SGO2: variants seen among roughly 807,000 people sequenced by gnomAD.
The protein encoded by SGO2 is shugoshin 2, also known as shugoshin-like 2.
Under a neutral mutation model 99.5 loss-of-function variants are expected in SGO2, and 68 were observed. The ratio of observed to expected loss-of-function variants is 0.68; its 90% CI spans 0.56 to 0.84. The LOEUF (loss-of-function observed/expected upper bound fraction) is 0.84, where lower values mean the gene tolerates loss of function less well. Ranked by LOEUF, SGO2 falls within the 40% of genes least tolerant of loss-of-function variation. SGO2 has a pLI of 0.00. For synonymous variants in SGO2, 457 were observed against 487.1 expected (o/e 0.94, Z 0.81); for missense variants, 1,350 against 1,436.7 (o/e 0.94, Z 0.97).
At chr2:200,553,382 A>T (rs911000683) in intron 5 of SGO2, among the ~76,000 whole-genome samples, 1 of 152,218 alleles carries the variant, frequency 6.6e-6, no homozygotes, top group African/African-American at 2.4e-5. Context: ...CCAGAATTAG[A>T]ATACTGATTG....
intron 4 of SGO2, among the ~76,000 whole-genome samples, chr2:200,540,233 T>A (rs1030640442): frequency 1.3e-5 from 2 of 152,218 alleles, no homozygotes; most frequent in African/African-American, 2.4e-5. Context: ...TCATTCAAAT[T>A]TAGAGTTACC....
At chr2:200,536,971 CAAAAT>C (rs748894455) in intron 4 of SGO2, among the ~76,000 whole-genome samples, 1 of 152,066 alleles carries the variant, frequency 6.6e-6, no homozygotes, top group African/African-American at 2.4e-5. Flanking sequence ...AACAAACAAA[CAAAAT>C]AAATATTTTC....
intron 4 of SGO2, among the ~76,000 whole-genome samples, chr2:200,541,686 T>C (rs1490824480): frequency 6.6e-6 from 1 of 152,218 alleles, no homozygotes; most frequent in African/African-American, 2.4e-5. Context: ...CCACTGACAT[T>C]GTTGGGCGGG....
chr2:200,568,091 A>C (rs1574872655), intron 5 of SGO2, among the ~76,000 whole-genome samples: 1 of 152,162 alleles, frequency 6.6e-6, no homozygotes, highest in East Asian at 1.9e-4. Flanking sequence ...GTATTTTGAC[A>C]CTGATTTCTC....
intron 5 of SGO2, among the ~76,000 whole-genome samples, chr2:200,543,961 T>A (rs1432469195): frequency 6.6e-6 from 1 of 152,172 alleles, no homozygotes; most frequent in African/African-American, 2.4e-5. Flanking sequence ...AAACAGAATA[T>A]TACCAACATC....
intron 5 of SGO2, chr2:200,543,755 A>C (rs2032075329): frequency 6.6e-6 from 1 of 152,210 alleles, no homozygotes; most frequent in Non-Finnish European, 1.5e-5. Context: ...TTAGATCCTT[A>C]GTAGTTTTTC....
chr2:200,528,484 C>T (rs2031211312), intron 1 of SGO2, among the ~76,000 whole-genome samples: 1 of 152,028 alleles, frequency 6.6e-6, no homozygotes, highest in Non-Finnish European at 1.5e-5. Flanking sequence ...ACCTGAGCAA[C>T]TGAAAGAATG....
chr2:200,530,048 G>C lies in SGO2; in HGVS notation c.-2-2926G>C, dbSNP rs150731840. Reference sequence around the variant, plus strand: ...GGCCAGTATGGCCTGAGGGGAATGCGATAGAGGGAGAGGAGGAGGAGTTCA... The same window carrying C: ...GGCCAGTATGGCCTGAGGGGAATGCCATAGAGGGAGAGGAGGAGGAGTTCA... On this transcript the variant is annotated intron_variant, in intron 1 of 8. Transcript: ENST00000357799. Among the ~76,000 whole-genome samples the C allele has an allele frequency of 2.6e-5, 4 of 152,336 alleles. No individual in the cohort carries two copies. The East Asian group carries it at 7.7e-4, about 29-fold the overall frequency.
chr2:200,573,949 C>G lies in SGO2; in HGVS notation c.3603C>G (p.Val1201=), dbSNP rs1574883546. The G allele has an allele frequency of 6.3e-7, 1 of 1,594,414 alleles. No homozygotes were observed. Among genetic ancestry groups the G allele is most frequent in the Non-Finnish European group, 8.5e-7 (1 of 1,173,914 alleles). Residue 1201 remains valine, a synonymous_variant, in exon 7 of 9, where the codon GTC becomes GTG. Coordinates refer to ENST00000357799, the MANE Select transcript of SGO2 (RefSeq NM_152524.6). ...AGATGAACAAGATGAAATTTAAAGTCAACCGGAGAACCCAAAAATCAGGAA... is the reference window on the plus strand; with the variant it reads ...AGATGAACAAGATGAAATTTAAAGTGAACCGGAGAACCCAAAAATCAGGAA... The part of the protein sequence containing the change: ...HEKMNKMKFK[V]NRRTQKSGIG...
At chr2:200,581,404 A>G (rs1205053090) in intron 8 of SGO2, among the ~76,000 whole-genome samples, 1 of 152,092 alleles carries the variant, frequency 6.6e-6, no homozygotes, top group Non-Finnish European at 1.5e-5. Flanking sequence ...TGCTATGTAA[A>G]TATCATGATT....
rs569090051 is a variant in SGO2 at position 200,544,341 on chromosome 2, G to A, written c.473+1677G>A. ...CTGTCACCCAAGCTGGAGTGCAGTG[G>A]CACGATCTTGGCTCACTGCAACCTC... On this transcript the variant is annotated intron_variant, in intron 5 of 8. Transcript: ENST00000357799. 2.6e-5 allele frequency among the ~76,000 whole-genome samples: 4 copies of A among 152,280 alleles called. No homozygotes were observed. The East Asian group carries it at 7.7e-4, about 29-fold the overall frequency.
intron 5 of SGO2, among the ~76,000 whole-genome samples, chr2:200,566,632 CT>C (rs112134171): frequency 3.9e-5 from 6 of 152,338 alleles, no homozygotes; most frequent in African/African-American, 9.6e-5. Flanking sequence ...GCAGAAATTT[CT>C]GCTGCCTTTT....
At chr2:200,532,863 C>G (rs1341411001) in intron 1 of SGO2, 111 bp from the exon 2 acceptor site, 4 of 1,105,490 alleles carry the variant, frequency 3.6e-6, no homozygotes, top group Non-Finnish European at 5.0e-6. Context: ...TTAGCAAATA[C>G]TTAATGCACA....
chr2:200,578,537 A>G lies in SGO2; in HGVS notation c.3782+3076A>G, dbSNP rs528466698. 7.9e-5 allele frequency among the ~76,000 whole-genome samples: 12 copies of G among 152,326 alleles called. No individual in the cohort carries two copies. The South Asian group carries it at 2.5e-3, about 32-fold the overall frequency. ...CTTCCAAGTCACACAGGTTGTTGGC[A>G]GAATTCATTTCCTTGTGGTTCTGGA... is the stretch of plus-strand genomic sequence containing the variant. On this transcript the variant is annotated intron_variant, in intron 8 of 8. Coordinates refer to ENST00000357799, the MANE Select transcript of SGO2 (RefSeq NM_152524.6).
chr2:200,581,907 A>G (rs140286002), intron 8 of SGO2, among the ~76,000 whole-genome samples: 5 of 152,278 alleles, frequency 3.3e-5, no homozygotes, highest in Admixed American at 6.5e-5. Context: ...ACTCTATCTA[A>G]TTACCCAAGG....
At chr2:200,529,263 A>G (rs2031249530) in intron 1 of SGO2, among the ~76,000 whole-genome samples, 1 of 152,332 alleles carries the variant, frequency 6.6e-6, no homozygotes, top group African/African-American at 2.4e-5. Flanking sequence ...TGCCCTTCCT[A>G]ATCTTGATGC....
Position 200,529,026 on chromosome 2 carries a change from A to G in SGO2, c.-3+2774A>G, listed in dbSNP as rs991904254. ...TAGTAATTCAGTGACCTTAATGAACAGTTCCCATATAGTAGTGGTGAGAGC... is the reference window on the plus strand; with the variant it reads ...TAGTAATTCAGTGACCTTAATGAACGGTTCCCATATAGTAGTGGTGAGAGC... On this transcript the variant is annotated intron_variant, in intron 1 of 8. Coordinates refer to ENST00000357799, the MANE Select transcript of SGO2 (RefSeq NM_152524.6). 2.6e-5 allele frequency among the ~76,000 whole-genome samples: 4 copies of G among 152,236 alleles called. No individual in the cohort carries two copies. In the East Asian group the frequency reaches 7.7e-4, roughly 29 times the overall value.
chr2:200,573,306 A>G lies in SGO2; in HGVS notation c.2960A>G (p.Lys987Arg), dbSNP rs375817690. The G allele has an allele frequency of 4.5e-5, 73 of 1,605,776 alleles. No homozygotes were observed. The African/African-American group carries it at 9.1e-4, about 20-fold the overall frequency. The change falls in exon 7 of 9, where the codon AAG becomes AGG. Residue 987 changes from lysine to arginine, a missense_variant. Coordinates refer to ENST00000357799, the MANE Select transcript of SGO2 (RefSeq NM_152524.6). Reference sequence around the variant, plus strand: ...TCCTACAAAGTAGTTAAAAAACGTAAGAAAGAATCATCATGCAAGGCAAAG... The same window carrying G: ...TCCTACAAAGTAGTTAAAAAACGTAGGAAAGAATCATCATGCAAGGCAAAG... The part of the protein sequence containing the change: ...LDSYKVVKKR[K>R]KESSCKAKNI...
chr2:200,530,693 G>A (rs1329080752), intron 1 of SGO2, among the ~76,000 whole-genome samples: 2 of 152,248 alleles, frequency 1.3e-5, no homozygotes, highest in Admixed American at 6.5e-5. Flanking sequence ...AAACATAGGC[G>A]TTTGATGTTC....
Sources: allele counts gnomAD v4.1 joint callset (sites outside exome capture counted in the v4.1 genomes callset), GRCh38; gene constraint gnomAD v4.1.1; transcripts MANE v1.5; gene names NCBI Gene and HGNC (gene_info 2026-07-23, HGNC 2026-07-21).